Variants in SYNE2 observed in about 807,000 individuals in gnomAD.
The protein encoded by SYNE2 is spectrin repeat containing nuclear envelope protein 2.
In SYNE2, 431 loss-of-function variants were observed where a neutral mutation model predicts 856.3. The ratio of observed to expected loss-of-function variants is 0.50; its 90% confidence interval spans 0.47 to 0.55. SYNE2 has a LOEUF of 0.55. Ranked by LOEUF, SYNE2 falls within the 20% of genes least tolerant of loss-of-function variation. The pLI, the probability that SYNE2 is intolerant of heterozygous loss-of-function variation, is 0.00. For missense variants in SYNE2, 8,129 were observed against 8,023.2 expected (o/e 1.01, Z -0.50); for synonymous variants, 2,923 against 2,872.3 (o/e 1.02, Z -0.56).
At chr14:64,063,055 GT>G (rs1277543447) in intron 50 of SYNE2, among the ~76,000 whole-genome samples, 160 bp downstream of exon 50, 1 of 152,168 alleles carries the variant, frequency 6.6e-6, no homozygotes, top group Non-Finnish European at 1.5e-5. Context: ...AGAGAGTAAT[GT>G]TTTATATATA....
At chr14:63,920,408 C>T (rs1180307588) in intron 2 of SYNE2, among the ~76,000 whole-genome samples, 2 of 151,324 alleles carry the variant, frequency 1.3e-5, no homozygotes, top group African/African-American at 4.9e-5. Flanking sequence ...AGAAGATGAG[C>T]TGAATGTGGT....
intron 11 of SYNE2, among the ~76,000 whole-genome samples, chr14:63,971,598 T>C (rs534779189): frequency 1.3e-4 from 19 of 151,876 alleles, no homozygotes; most frequent in Admixed American, 1.0e-3. Context: ...TTTTTTGCTC[T>C]AAACAACCAT....
rs541164095 is a variant in SYNE2, at chr14:63,865,243, C to T, written c.-52+12100C>T. Among the ~76,000 whole-genome samples, 355 of 128,670 alleles carry T rather than the reference C, an allele frequency of 2.8e-3. 1 individual carries two copies. Among genetic ancestry groups the T allele is most frequent in the African/African-American group, 0.01 (338 of 33,302 alleles). The allele number at this position is 128,670 out of a possible 152,430, so 84.4% of individuals were successfully genotyped here. ...GTTTAGGGGACAGTCAGAAATGAATCATATATGAGCCCTAATTCTTCAGGA... is the reference window on the plus strand; with the variant it reads ...GTTTAGGGGACAGTCAGAAATGAATTATATATGAGCCCTAATTCTTCAGGA... On this transcript the variant is annotated intron_variant, in intron 1 of 115. Transcript: ENST00000555002.
At chr14:63,904,274 A>G (rs1184049969) in intron 1 of SYNE2, among the ~76,000 whole-genome samples, 1 of 152,164 alleles carries the variant, frequency 6.6e-6, no homozygotes, top group African/African-American at 2.4e-5. Context: ...GTAACCTGGC[A>G]ATAAACTTAT....
rs577614925 is a variant in SYNE2, at chr14:64,147,234, G to A, written c.15639+1011G>A. On this transcript the variant is annotated intron_variant, in intron 84 of 115. Coordinates refer to ENST00000555002, the MANE Select transcript of SYNE2 (RefSeq NM_182914.3). ...CTGGCCAGTCTGTCTCGGTCAGGCC[G>A]GCTTCCTTCAGACCACCCTCAGTGC... Among the ~76,000 whole-genome samples the A allele has an allele frequency of 6.6e-5, 10 of 152,246 alleles. No individual in the cohort carries two copies. In the South Asian group the frequency reaches 8.3e-4, roughly 13 times the overall value.
At chr14:64,209,627 C>T (rs1430722900) in intron 102 of SYNE2, 49 bp downstream of exon 102, 6 of 1,609,246 alleles carry the variant, frequency 3.7e-6, no homozygotes, top group Admixed American at 3.3e-5. Flanking sequence ...AAGCCTGCAG[C>T]GAGCCTGGGG....
intron 10 of SYNE2, among the ~76,000 whole-genome samples, chr14:63,967,490 C>T (rs1443334361): frequency 6.6e-6 from 1 of 152,174 alleles, no homozygotes; most frequent in East Asian, 1.9e-4. Flanking sequence ...CAACAATACA[C>T]AAAGCACAGA....
chr14:64,118,199 A>G (rs951714729), intron 66 of SYNE2, among the ~76,000 whole-genome samples: 5 of 151,920 alleles, frequency 3.3e-5, no homozygotes, highest in Admixed American at 6.6e-5. Context: ...AGTACAAATG[A>G]TCATGGTGCT....
At chr14:63,825,681 C>T (rs1255948863) in intron 1 of SYNE2, among the ~76,000 whole-genome samples, 2 of 152,022 alleles carry the variant, frequency 1.3e-5, no homozygotes, top group Non-Finnish European at 2.9e-5. Context: ...CGAAACCAGC[C>T]TGGTCAACAT....
In SYNE2 at chr14:64,224,521, A is replaced by G. The variant is rs1250628014; in HGVS notation, c.20443A>G (p.Thr6815Ala). 6.2e-7 allele frequency: 1 copy of G among 1,614,090 alleles called. No individual in the cohort carries two copies. The highest frequency in any genetic ancestry group is 1.1e-5 in the South Asian group (1 of 91,076). Residue 6815 changes from threonine to alanine, a missense_variant, in exon 114 of 116, where the codon ACA becomes GCA. Physicochemically the swap from Thr to Ala is moderately conservative, Grantham distance 58. Around this residue, in one of 3 missense-constraint regions of SYNE2, gnomAD observed 5,410 missense variants for 5,284.8 expected, o/e 1.02. Coordinates refer to ENST00000555002, the MANE Select transcript of SYNE2 (RefSeq NM_182914.3). ...EVDSGDQPPA[T>A]SVPAPRAKFR... The stretch of plus-strand genomic sequence containing the variant: ...AGACTCGGGGGACCAGCCTCCTGCA[A>G]CATCCGTGCCAGCTCCCCGAGCAAA...
chr14:63,880,334 C>A (rs2094830060), intron 1 of SYNE2, among the ~76,000 whole-genome samples: 1 of 152,128 alleles, frequency 6.6e-6, no homozygotes, highest in South Asian at 2.1e-4. Context: ...TCAAATGATC[C>A]ACTCACCTCG....
In SYNE2 at chr14:63,918,455, G is replaced by C. The variant is rs796971213; in HGVS notation, c.79+9228G>C. ...GAGAGCCACAGTTTACTACCACCAG[G>C]TATTTTTATAATCATTTAAAAGTGG... On this transcript the variant is annotated intron_variant, in intron 2 of 115. Coordinates refer to ENST00000555002, the MANE Select transcript of SYNE2 (RefSeq NM_182914.3). Among the ~76,000 whole-genome samples the C allele has an allele frequency of 7.2e-5, 11 of 152,252 alleles. No individual in the cohort carries two copies. In the East Asian group the frequency reaches 1.3e-3, roughly 19 times the overall value.
rs1463481783 is a variant in SYNE2 at position 64,142,210 on chromosome 14, CTG to C, written c.15306+123_15306+124del. The C allele has an allele frequency of 3.4e-6, 4 of 1,165,180 alleles. No individual in the cohort carries two copies. The South Asian group carries it at 4.0e-5, about 12-fold the overall frequency. 72.2% of individuals were successfully genotyped at this position (1,165,180 alleles called of 1,614,324 possible). ...AAAAACTAATTCTAGGGGTAGGAAA[CTG>C]GGGTGGTGGATGATTCTGGAGAGAT... On this transcript the variant is annotated intron_variant, in intron 82 of 115. Transcript: ENST00000555002.
intron 76 of SYNE2, 121 bp downstream of exon 76, chr14:64,130,369 A>T: frequency 1.1e-6 from 1 of 923,628 alleles, no homozygotes. Context: ...TCATTCTTTT[A>T]ATAAACATCT....
intron 31 of SYNE2, among the ~76,000 whole-genome samples, chr14:64,008,221 T>TA (rs753394757): frequency 4.6e-5 from 7 of 152,324 alleles, no homozygotes; most frequent in Non-Finnish European, 1.0e-4. Flanking sequence ...AGAGGACCCT[T>TA]ATGATTACAC....
chr14:63,969,026 C>A (rs986519673), intron 11 of SYNE2, among the ~76,000 whole-genome samples: 12 of 152,132 alleles, frequency 7.9e-5, no homozygotes, highest in African/African-American at 2.9e-4. Context: ...TACTGTCTGT[C>A]TCCATGAGTT....
intron 99 of SYNE2, chr14:64,202,169 T>C: frequency 1.4e-6 from 1 of 702,180 alleles, no homozygotes; most frequent in Non-Finnish European, 2.6e-6. Flanking sequence ...CAGATTTCCT[T>C]TGCCCCCTCC....
chr14:63,802,688 T>A (rs1888190527), intron 1 of SYNE2, among the ~76,000 whole-genome samples: 1 of 152,164 alleles, frequency 6.6e-6, no homozygotes, highest in African/African-American at 2.4e-5. Flanking sequence ...GAATTACATC[T>A]CTTAACGTGG....
chr14:63,799,429 C>T (rs889460624), intron 1 of SYNE2, among the ~76,000 whole-genome samples: 1 of 145,178 alleles, frequency 6.9e-6, no homozygotes, highest in Non-Finnish European at 1.5e-5. Flanking sequence ...GGCGCGGTGG[C>T]TCATGCCTAT....
Sources: gnomAD v4.1 joint callset for allele counts (sites outside exome capture counted in the v4.1 genomes callset) on GRCh38, gnomAD v4.1.1 for gene constraint, gnomAD v4.1.1 regional missense constraint, MANE v1.5 for transcripts, NCBI Gene and HGNC (gene_info 2026-07-23, HGNC 2026-07-21) for gene names.